Variants in SHTN1 observed in about 807,000 individuals in gnomAD.
SHTN1 encodes shootin 1, also known as shootin-1.
Under a neutral mutation model 83.1 loss-of-function variants are expected in SHTN1, and 42 were observed. That is an observed-to-expected ratio of 0.51 (90% CI 0.39 to 0.65). The LOEUF is 0.65. Ranked by LOEUF, SHTN1 falls within the 30% of genes least tolerant of loss-of-function variation. The pLI is 0.00. For missense variants in SHTN1, 622 were observed against 737.8 expected (o/e 0.84, Z 1.82); for synonymous variants, 224 against 247.7 (o/e 0.90, Z 0.90).
At chr10:117,007,574 A>AC (rs1852041721), upstream of SHTN1, among the ~76,000 whole-genome samples, 1 of 147,096 alleles carries the variant, frequency 6.8e-6, no homozygotes, top group South Asian at 2.2e-4. Flanking sequence ...AAAAAAAAAA[A>AC]AAAAAACTCC....
chr10:116,901,800 T>C lies in SHTN1; in HGVS notation c.1638A>G (p.Lys546=), dbSNP rs1290489182. Residue 546 remains lysine (K), a synonymous_variant, in exon 16 of 17, where the codon AAA becomes AAG. Transcript: ENST00000355371. ...PTPEPGEGPR[K]LEGCTSSKVT... ...CCTTGGAACTTGTGCATCCTTCCAA[T>C]TTACGGGGCCCTTCACCTGGCTCAG... 2 of 1,601,642 alleles carry C rather than the reference T, an allele frequency of 1.2e-6. No individual in the cohort carries two copies. Among genetic ancestry groups the C allele is most frequent in the Admixed American group, 3.6e-5 (2 of 56,152 alleles).
intron 2 of SHTN1, among the ~76,000 whole-genome samples, chr10:117,047,758 CAA>C (rs11411347): frequency 2.9e-5 from 4 of 138,222 alleles, no homozygotes; most frequent in Admixed American, 7.2e-5. Flanking sequence ...ACATAAAGAC[CAA>C]AAAAAAAAAA....
chr10:117,118,883 C>G (rs945880457), intron 1 of SHTN1, among the ~76,000 whole-genome samples: 4 of 152,122 alleles, frequency 2.6e-5, no homozygotes, highest in African/African-American at 9.7e-5. Context: ...CCATGACACG[C>G]ATTTACCTAT....
intron 1 of SHTN1, among the ~76,000 whole-genome samples, chr10:117,112,052 G>A (rs976638785): frequency 4.6e-5 from 7 of 152,088 alleles, no homozygotes; most frequent in South Asian, 2.1e-4. Context: ...TGCAACCTCT[G>A]CCTCCCGGAT....
At chr10:116,947,845 T>C (rs1849646159) in intron 7 of SHTN1, among the ~76,000 whole-genome samples, 1 of 152,180 alleles carries the variant, frequency 6.6e-6, no homozygotes, top group Non-Finnish European at 1.5e-5. Context: ...GAATCAAGAC[T>C]GAAAATTCTA....
intron 2 of SHTN1, among the ~76,000 whole-genome samples, chr10:117,039,995 G>A (rs1007900563): frequency 1.3e-5 from 2 of 151,914 alleles, no homozygotes; most frequent in Non-Finnish European, 2.9e-5. Context: ...AAAAAAGCAG[G>A]GCCTTCATAG....
chr10:117,098,837 G>T (rs1853545384), intron 1 of SHTN1, among the ~76,000 whole-genome samples: 1 of 152,094 alleles, frequency 6.6e-6, no homozygotes, highest in East Asian at 1.9e-4. Flanking sequence ...CATCACGCAA[G>T]CCAAATTCTT....
intron 12 of SHTN1, among the ~76,000 whole-genome samples, chr10:116,919,150 A>C (rs953706440): frequency 2.0e-5 from 3 of 152,190 alleles, no homozygotes; most frequent in African/African-American, 4.8e-5. Context: ...TGCAAACCCC[A>C]AAGTGTCACA....
At chr10:117,084,817 C>T (rs1853325170) in intron 1 of SHTN1, among the ~76,000 whole-genome samples, 1 of 152,214 alleles carries the variant, frequency 6.6e-6, no homozygotes, top group Non-Finnish European at 1.5e-5. Context: ...CGTCCGTCAC[C>T]CCTTTCTTTG....
chr10:117,039,413 A>G (rs1414642041), intron 2 of SHTN1, among the ~76,000 whole-genome samples: 1 of 152,202 alleles, frequency 6.6e-6, no homozygotes, highest in Non-Finnish European at 1.5e-5. Context: ...GATACGTATC[A>G]TTATACATTT....
At position 116,929,916 on chromosome 10, in the gene SHTN1, T is replaced by G; in HGVS notation, c.945A>C (p.Glu315Asp). 6.2e-7 allele frequency: 1 copy of G among 1,609,476 alleles called. No individual in the cohort carries two copies. Among genetic ancestry groups the G allele is most frequent in the Non-Finnish European group, 8.5e-7 (1 of 1,177,254 alleles). ...ATTTCAATTCCAATTCCTTTTTATC[T>G]TCCTCTAGAAGCTCCAGTTGCTGTT... is the stretch of plus-strand genomic sequence containing the variant. Reference protein sequence around the residue: ...NLKQQLELLEEDKKELELKYQ... With the variant: ...NLKQQLELLEDDKKELELKYQ... The change falls in exon 10 of 17, where the codon GAA (glutamate) becomes GAC (aspartate). Residue 315 changes from glutamate (E) to aspartate (D), a missense_variant. By Grantham distance (45) the Glu-to-Asp change is conservative. This residue lies in a region of SHTN1 where 383 missense variants were observed against 455.8 expected (regional missense o/e 0.84). Transcript: ENST00000355371.
chr10:116,906,271 A>T (rs954580263), intron 15 of SHTN1, among the ~76,000 whole-genome samples: 8 of 152,212 alleles, frequency 5.3e-5, no homozygotes, highest in Admixed American at 6.5e-5. Context: ...ACCAGCTGGT[A>T]TACAAGAGAA....
At chr10:117,079,169 A>G (rs1355365786) in intron 1 of SHTN1, among the ~76,000 whole-genome samples, 1 of 139,986 alleles carries the variant, frequency 7.1e-6, no homozygotes, top group Admixed American at 7.3e-5. Flanking sequence ...ATATCTCCCA[A>G]TGCTATCCCT....
At chr10:116,979,744 G>T (rs1850946312) in intron 1 of SHTN1, among the ~76,000 whole-genome samples, 1 of 152,242 alleles carries the variant, frequency 6.6e-6, no homozygotes, top group Non-Finnish European at 1.5e-5. Flanking sequence ...TCCTGTGAAA[G>T]GATTCAGGCA....
chr10:117,096,535 G>A lies in SHTN1; in HGVS notation c.-189+29772C>T, dbSNP rs1051439276. 3.9e-5 allele frequency among the ~76,000 whole-genome samples: 6 copies of A among 152,160 alleles called. No homozygotes were observed. In the South Asian group the frequency reaches 1.0e-3, roughly 26 times the overall value. Reference sequence around the variant, plus strand: ...GCTATATTGTGAGAGCATCCTTGATGGAATCACATACAATATAGACCAACA... The same window carrying A: ...GCTATATTGTGAGAGCATCCTTGATAGAATCACATACAATATAGACCAACA... On this transcript the variant is annotated intron_variant, in intron 1 of 17. Coordinates refer to the SHTN1 transcript ENST00000392901.
At position 117,054,649 on chromosome 10, in the gene SHTN1, C is replaced by T. The variant is rs573945214; in HGVS notation, c.-188-6139G>A. ...GTCTCGATCTCTTGACCTTGTGATC[C>T]GCCCGTCTCGGCCTCCCAAAGTGCT... On this transcript the variant is annotated intron_variant, in intron 1 of 17. Transcript: ENST00000392901. Among the ~76,000 whole-genome samples the T allele has an allele frequency of 8.6e-5, 13 of 151,952 alleles. No homozygotes were observed. In the East Asian group the frequency reaches 1.9e-3, roughly 23 times the overall value.
chr10:117,056,016 T>G (rs1197379270), intron 1 of SHTN1, among the ~76,000 whole-genome samples: 1 of 152,142 alleles, frequency 6.6e-6, no homozygotes, highest in African/African-American at 2.4e-5. Flanking sequence ...TTACCAAAAC[T>G]TAACTGAGAT....
At chr10:117,071,177 G>A (rs1853076490) in intron 1 of SHTN1, among the ~76,000 whole-genome samples, 1 of 152,058 alleles carries the variant, frequency 6.6e-6, no homozygotes, top group African/African-American at 2.4e-5. Context: ...TCTTTTTAAA[G>A]TAATTTTCTG....
intron 1 of SHTN1, among the ~76,000 whole-genome samples, chr10:117,111,645 C>T (rs1853770012): frequency 1.3e-5 from 2 of 152,104 alleles, no homozygotes; most frequent in South Asian, 2.1e-4. Flanking sequence ...GCAATTCAAC[C>T]ACCCTTTGAG....
Sources: allele counts gnomAD v4.1 joint callset (sites outside exome capture counted in the v4.1 genomes callset), GRCh38; gene constraint gnomAD v4.1.1; regional missense constraint gnomAD v4.1.1; transcripts MANE v1.5; gene names NCBI Gene and HGNC (gene_info 2026-07-23, HGNC 2026-07-21).